Variants in GALNT17 observed in about 807,000 individuals in gnomAD.
GALNT17 encodes the protein UDP-GalNAc:polypeptide N-acetylgalactosaminyltransferase-like 3.
In GALNT17, 29 loss-of-function variants were observed where a neutral mutation model predicts 63.7. That is an observed-to-expected ratio of 0.46 (90% CI 0.34 to 0.62). The LOEUF is 0.62. Ranked by LOEUF, GALNT17 falls within the 20% of genes least tolerant of loss-of-function variation. GALNT17 has a pLI of 0.01. For missense variants in GALNT17, 603 were observed against 799.6 expected (o/e 0.75, Z 2.97); for synonymous variants, 305 against 318.3 (o/e 0.96, Z 0.45).
chr7:71,659,840 A>G (rs929485745), intron 6 of GALNT17, among the ~76,000 whole-genome samples: 1 of 152,062 alleles, frequency 6.6e-6, no homozygotes, highest in African/African-American at 2.4e-5. Flanking sequence ...TGGGCTTGGG[A>G]CTGTTGCCCA....
intron 3 of GALNT17, among the ~76,000 whole-genome samples, chr7:71,401,881 A>G (rs964631873): frequency 4.6e-5 from 7 of 152,242 alleles, no homozygotes; most frequent in Non-Finnish European, 1.0e-4. Flanking sequence ...AAAGTGCACA[A>G]TAAATGTAAT....
intron 9 of GALNT17, among the ~76,000 whole-genome samples, chr7:71,703,645 G>T (rs1385155817): frequency 6.6e-6 from 1 of 152,146 alleles, no homozygotes; most frequent in African/African-American, 2.4e-5. Flanking sequence ...AAGTAACAAT[G>T]GCAGAAGTTA....
At chr7:71,431,204 C>CTTTCTTTTT (rs1563087533) in intron 5 of GALNT17, among the ~76,000 whole-genome samples, 3 of 136,364 alleles carry the variant, frequency 2.2e-5, no homozygotes, top group African/African-American at 2.8e-5. Flanking sequence ...TTTTTCTTTT[C>CTTTCTTTTT]TTTTCTTTTT....
At chr7:71,474,198 T>G (rs1456012112) in intron 5 of GALNT17, among the ~76,000 whole-genome samples, 1 of 152,218 alleles carries the variant, frequency 6.6e-6, no homozygotes, top group East Asian at 1.9e-4. Context: ...TGCATTATAT[T>G]TAGCATATAA....
chr7:71,531,964 A>G (rs1216411568), intron 5 of GALNT17, among the ~76,000 whole-genome samples: 1 of 152,192 alleles, frequency 6.6e-6, no homozygotes, highest in Non-Finnish European at 1.5e-5. Flanking sequence ...AGCTGAGGAA[A>G]CAGAAGGAAG....
intron 1 of GALNT17, among the ~76,000 whole-genome samples, chr7:71,204,330 G>A (rs1192833253): frequency 1.3e-5 from 2 of 152,098 alleles, no homozygotes; most frequent in Non-Finnish European, 2.9e-5. Context: ...ATCAGGTAGT[G>A]TGATGCCTCC....
chr7:71,303,796 AT>A (rs558379459), intron 1 of GALNT17, among the ~76,000 whole-genome samples: 354 of 152,140 alleles, frequency 2.3e-3, no homozygotes, highest in Non-Finnish European at 3.5e-3. Context: ...GACCTCAAAC[AT>A]TTGAGATTAG....
intron 1 of GALNT17, among the ~76,000 whole-genome samples, chr7:71,224,585 C>T (rs953017777): frequency 2.6e-5 from 4 of 152,234 alleles, no homozygotes; most frequent in African/African-American, 7.2e-5. Flanking sequence ...GTGGTATATC[C>T]GTCCTGGTCA....
intron 5 of GALNT17, among the ~76,000 whole-genome samples, chr7:71,429,962 C>T (rs1786829144): frequency 6.6e-6 from 1 of 152,148 alleles, no homozygotes; most frequent in Non-Finnish European, 1.5e-5. Flanking sequence ...CCGCCTCAGC[C>T]TTCCAGAGTG....
intron 3 of GALNT17, among the ~76,000 whole-genome samples, chr7:71,413,218 A>G (rs557567127): frequency 1.3e-5 from 2 of 152,212 alleles, no homozygotes; most frequent in African/African-American, 4.8e-5. Context: ...TGCATAACTT[A>G]AACAACTTTT....
At chr7:71,391,929 G>A (rs980095081) in intron 3 of GALNT17, among the ~76,000 whole-genome samples, 5 of 152,280 alleles carry the variant, frequency 3.3e-5, no homozygotes, top group Middle Eastern at 3.4e-3. Context: ...GAGCAGGTGA[G>A]TGTCACATGA....
At chr7:71,633,765 C>T (rs111340082) in intron 6 of GALNT17, among the ~76,000 whole-genome samples, 4 of 152,368 alleles carry the variant, frequency 2.6e-5, no homozygotes, top group Non-Finnish European at 4.4e-5. Flanking sequence ...GCCTCTCACT[C>T]ATTCCTACCA....
intron 9 of GALNT17, 81 bp from the exon 10 acceptor site, chr7:71,710,680 G>A (rs759009146): frequency 5.6e-5 from 85 of 1,521,242 alleles, no homozygotes; most frequent in Middle Eastern, 2.4e-4. Context: ...GAGTAAAGCC[G>A]AGAGACCTGA....
chr7:71,645,751 C>A (rs370578642), intron 6 of GALNT17, among the ~76,000 whole-genome samples: 35 of 152,286 alleles, frequency 2.3e-4, no homozygotes, highest in Admixed American at 2.0e-3. Flanking sequence ...CTCTCCTGAT[C>A]AAAGCCCTAA....
At chr7:71,679,587 C>T (rs1468515386) in intron 9 of GALNT17, among the ~76,000 whole-genome samples, 3 of 152,154 alleles carry the variant, frequency 2.0e-5, no homozygotes, top group African/African-American at 4.8e-5. Context: ...GTAGAATAAG[C>T]GTAACCCACG....
chr7:71,254,179 T>C (rs1477227139), intron 1 of GALNT17, among the ~76,000 whole-genome samples: 1 of 151,884 alleles, frequency 6.6e-6, no homozygotes, highest in Non-Finnish European at 1.5e-5. Flanking sequence ...GTTGAAAGAG[T>C]TAAGTTATTA....
At chr7:71,542,920 G>A (rs566637075) in intron 5 of GALNT17, among the ~76,000 whole-genome samples, 4 of 151,846 alleles carry the variant, frequency 2.6e-5, no homozygotes, top group Admixed American at 1.3e-4. Flanking sequence ...TGTGTTGGGG[G>A]TCCCGATAAC....
At chr7:71,594,790 AATC>A (rs1789862619) in intron 6 of GALNT17, among the ~76,000 whole-genome samples, 2 of 152,128 alleles carry the variant, frequency 1.3e-5, no homozygotes, top group Non-Finnish European at 1.5e-5. Context: ...AAATAACTGT[AATC>A]ATTTTATTAT....
rs566282482 is a variant in GALNT17, at chr7:71,189,198, T to C, written c.238+56158T>C. On this transcript the variant is annotated intron_variant, in intron 1 of 10. Transcript: ENST00000333538. ...AATCTCATGAGATCTGATGGTTTTA[T>C]AAGGAGTTTCCTTTTTTCTTGGTTC... 5.3e-5 allele frequency among the ~76,000 whole-genome samples: 8 copies of C among 152,328 alleles called. No individual in the cohort carries two copies. In the South Asian group the frequency reaches 1.7e-3, roughly 32 times the overall value.
Sources: gnomAD v4.1 joint callset for allele counts (sites outside exome capture counted in the v4.1 genomes callset) on GRCh38, gnomAD v4.1.1 for gene constraint, MANE v1.5 for transcripts, NCBI Gene and HGNC (gene_info 2026-07-23, HGNC 2026-07-21) for gene names.